The following GFOD2 variants were observed in gnomAD, a reference collection of about 807,000 sequenced individuals.
GFOD2 encodes the protein glucose-fructose oxidoreductase domain-containing protein 2.
A neutral mutation model predicts 24.6 loss-of-function variants in GFOD2; 9 were observed. The observed-to-expected ratio is 0.37, with a 90% CI of 0.22 to 0.64. The LOEUF is 0.64. GFOD2 is among the 30% of genes least tolerant of loss of function. The pLI is 0.65. For missense variants in GFOD2, 476 were observed against 532.5 expected (o/e 0.89, Z 1.04); for synonymous variants, 211 against 224.8 (o/e 0.94, Z 0.55).
At position 67,674,859 on chromosome 16, in the gene GFOD2, G is replaced by A; in HGVS notation, c.*296C>T. ...GTTAGGACTGCGGATCAGGCTGAAG[G>A]GCTCCCCAGGGTGAGCCTTTCCTGG... On this transcript the variant is annotated 3_prime_UTR_variant, in exon 3 of 3. Transcript: ENST00000268797. 1 of 395,866 alleles carries A rather than the reference G, an allele frequency of 2.5e-6. No individual in the cohort carries two copies. The highest frequency in any genetic ancestry group is 4.3e-5 in the South Asian group (1 of 23,090). The allele number at this position is 395,866 out of a possible 1,614,324, so 24.5% of individuals were successfully genotyped here.
chr16:67,686,868 C>T (rs2053270830), intron 1 of GFOD2, among the ~76,000 whole-genome samples: 1 of 151,046 alleles, frequency 6.6e-6, no homozygotes, highest in South Asian at 2.1e-4. Flanking sequence ...GACTGGAGGC[C>T]GGGCGTGGTG....
At chr16:67,705,528 T>A (rs1259346168) in intron 1 of GFOD2, among the ~76,000 whole-genome samples, 3 of 152,118 alleles carry the variant, frequency 2.0e-5, no homozygotes, top group African/African-American at 7.2e-5. Flanking sequence ...TTTTTTCAAG[T>A]GTCATTACTT....
rs528444705 is a variant in GFOD2, at chr16:67,712,985, T to C, written c.-88+6178A>G. Among the ~76,000 whole-genome samples the C allele has an allele frequency of 2.3e-5, 3 of 132,014 alleles. 1 individual carries two copies. The highest frequency in any genetic ancestry group is 4.5e-5 in the Non-Finnish European group (3 of 66,084). The allele number at this position is 132,014 out of a possible 152,430, so 86.6% of individuals were successfully genotyped here. ...CCTCTGCTGGGCGCTCAAGTTCAAG[T>C]GATTTTCCTGCCTCAGCCTCCTGAG... On this transcript the variant is annotated intron_variant, in intron 1 of 2. Transcript: ENST00000268797.
chr16:67,680,535 T>G, intron 2 of GFOD2: 1 of 163,644 alleles, frequency 6.1e-6, no homozygotes, highest in Non-Finnish European at 1.3e-5. Flanking sequence ...AGGAGACAAA[T>G]TGGTGCCTCT....
rs2053176623 is a variant in GFOD2, at chr16:67,675,422, C to A, written c.891G>T (p.Gln297His). The A allele has an allele frequency of 6.2e-7, 1 of 1,612,852 alleles. No individual in the cohort carries two copies. The highest frequency in any genetic ancestry group is 8.5e-7 in the Non-Finnish European group (1 of 1,180,012). Reference protein sequence around the residue: ...VGAGLPEQGPQDVPLLYLKGM... With the variant: ...VGAGLPEQGPHDVPLLYLKGM... ...CCTTCAGGTACAGCAGCGGGACATC[C>A]TGGGGCCCCTGCTCAGGCAGTCCTG... The change falls in exon 3 of 3, where the codon CAG becomes CAT. Residue 297 changes from glutamine (Q) to histidine (H), a missense_variant. Physicochemically the swap from Gln to His is conservative, Grantham distance 24. Coordinates refer to ENST00000268797, the MANE Select transcript of GFOD2 (RefSeq NM_030819.4).
intron 1 of GFOD2, among the ~76,000 whole-genome samples, chr16:67,689,534 GGT>G (rs1447384236): frequency 2.6e-5 from 4 of 151,850 alleles, no homozygotes; most frequent in Admixed American, 6.6e-5. Context: ...AGCCGGGCGT[GGT>G]GGCATGTGCC....
At position 67,685,744 on chromosome 16, in the gene GFOD2, C is replaced by T. The variant is rs1485542661; in HGVS notation, c.-29G>A. 1.9e-6 allele frequency: 3 copies of T among 1,595,734 alleles called. No individual in the cohort carries two copies. Among genetic ancestry groups the T allele is most frequent in the Non-Finnish European group, 2.6e-6 (3 of 1,172,732 alleles). On this transcript the variant is annotated 5_prime_UTR_variant, in exon 2 of 3. Coordinates refer to ENST00000268797, the MANE Select transcript of GFOD2 (RefSeq NM_030819.4). The stretch of plus-strand genomic sequence containing the variant: ...AGCCTCTCTCTTTACCAACTCATCT[C>T]CTCACAAGAGCCTCTGGCATGGATA...
chr16:67,699,203 G>A (rs1052147800), intron 1 of GFOD2, among the ~76,000 whole-genome samples: 4 of 151,888 alleles, frequency 2.6e-5, no homozygotes, highest in African/African-American at 7.3e-5. Flanking sequence ...TTAGCCAGAC[G>A]TGATGGTGGG....
intron 2 of GFOD2, chr16:67,676,601 C>T (rs1281030595): frequency 6.5e-6 from 1 of 152,992 alleles, no homozygotes; most frequent in Non-Finnish European, 1.5e-5. Context: ...AGGGGATGGA[C>T]TATTCATAAC....
chr16:67,708,338 G>A (rs76840765), intron 1 of GFOD2, among the ~76,000 whole-genome samples: 4,438 of 152,266 alleles, frequency 0.029, 207 homozygotes, highest in African/African-American at 0.099. Flanking sequence ...CATCGGTACA[G>A]GCTGGGGCCA....
At chr16:67,715,850 C>A (rs755118290) in intron 1 of GFOD2, among the ~76,000 whole-genome samples, 54 of 149,100 alleles carry the variant, frequency 3.6e-4, no homozygotes, top group Admixed American at 5.4e-4. Flanking sequence ...AAAAAAAAAA[C>A]TTGTTTTATT....
intron 2 of GFOD2, 172 bp from the exon 3 acceptor site, chr16:67,676,225 T>C: frequency 3.1e-6 from 2 of 645,080 alleles, no homozygotes; most frequent in Non-Finnish European, 2.6e-6. Flanking sequence ...CTCAATCTCC[T>C]GGCCTCAAGC....
rs555979960 is a variant in GFOD2 at position 67,709,120 on chromosome 16, T to C, written c.-88+10043A>G. ...GAGTTTGAGACCAGCCTGGGCAACATGGCAAAACTCCTTCTCCACAAAAAA... is the reference window on the plus strand; with the variant it reads ...GAGTTTGAGACCAGCCTGGGCAACACGGCAAAACTCCTTCTCCACAAAAAA... On this transcript the variant is annotated intron_variant, in intron 1 of 2. Transcript: ENST00000268797. Among the ~76,000 whole-genome samples the C allele has an allele frequency of 4.0e-5, 6 of 151,750 alleles. No homozygotes were observed. The East Asian group carries it at 7.8e-4, about 20-fold the overall frequency.
At chr16:67,682,620 T>TA in intron 2 of GFOD2, 1 of 985,196 alleles carries the variant, frequency 1.0e-6, no homozygotes, top group Non-Finnish European at 1.2e-6. Flanking sequence ...CAAGATGCCA[T>TA]AAAAAGAGCT....
At chr16:67,700,369 C>T (rs1226300824) in intron 1 of GFOD2, among the ~76,000 whole-genome samples, 5 of 149,334 alleles carry the variant, frequency 3.3e-5, no homozygotes, top group Non-Finnish European at 3.0e-5. Context: ...AGTGAGACTC[C>T]GTCTCAAAAA....
At chr16:67,700,285 G>T (rs2053392204) in intron 1 of GFOD2, among the ~76,000 whole-genome samples, 1 of 151,768 alleles carries the variant, frequency 6.6e-6, no homozygotes, top group South Asian at 2.1e-4. Flanking sequence ...TGAGGCAGGA[G>T]AACTGCTTGA....
intron 1 of GFOD2, among the ~76,000 whole-genome samples, chr16:67,687,024 T>A (rs2053271916): frequency 1.3e-5 from 2 of 151,686 alleles, no homozygotes; most frequent in African/African-American, 4.8e-5. Flanking sequence ...GGTGCAAGCC[T>A]GTATTCTCAG....
At chr16:67,683,545 A>T (rs2053243574) in intron 2 of GFOD2, 1 of 1,231,660 alleles carries the variant, frequency 8.1e-7, no homozygotes, top group Admixed American at 4.2e-5. Flanking sequence ...TGACCAATGA[A>T]TGAATAACTC....
chr16:67,685,937 A>G, intron 1 of GFOD2, 135 bp from the exon 2 acceptor site: 1 of 535,796 alleles, frequency 1.9e-6, no homozygotes. Context: ...CTTTCAAATA[A>G]GGAAGTAACA....
Sources: allele counts gnomAD v4.1 joint callset (sites outside exome capture counted in the v4.1 genomes callset), GRCh38; gene constraint gnomAD v4.1.1; transcripts MANE v1.5; gene names NCBI Gene and HGNC (gene_info 2026-07-23, HGNC 2026-07-21).